SERPINI1: variants seen among roughly 807,000 people sequenced by gnomAD.
SERPINI1 encodes the protein neuroserpin.
In SERPINI1, 19 loss-of-function variants were observed where a neutral mutation model predicts 41.1. The ratio of observed to expected loss-of-function variants is 0.46; its 90% CI spans 0.32 to 0.68. SERPINI1 has a LOEUF of 0.68. Ranked by LOEUF, SERPINI1 falls within the 30% of genes least tolerant of loss-of-function variation. SERPINI1 has a pLI of 0.03. For synonymous variants in SERPINI1, 138 were observed against 156.6 expected (o/e 0.88, Z 0.89); for missense variants, 460 against 479.2 (o/e 0.96, Z 0.37).
At chr3:167,788,815 T>G (rs913486250) in intron 1 of SERPINI1, among the ~76,000 whole-genome samples, 1 of 152,200 alleles carries the variant, frequency 6.6e-6, no homozygotes, top group Non-Finnish European at 1.5e-5. Context: ...CTAGAGTAAG[T>G]CCATTCAAAG....
intron 6 of SERPINI1, among the ~76,000 whole-genome samples, chr3:167,813,255 C>A (rs558816728): frequency 2.6e-5 from 4 of 152,230 alleles, no homozygotes; most frequent in African/African-American, 2.4e-5. Context: ...CAAAGTTCAT[C>A]TTCCTGCCCC....
intron 1 of SERPINI1, among the ~76,000 whole-genome samples, chr3:167,749,763 G>A (rs1040012947): frequency 6.6e-6 from 1 of 152,122 alleles, no homozygotes; most frequent in Admixed American, 6.6e-5. Flanking sequence ...TTAATAAACT[G>A]TTTAATTTAC....
chr3:167,752,109 C>G (rs552633487), intron 1 of SERPINI1, among the ~76,000 whole-genome samples: 3 of 152,264 alleles, frequency 2.0e-5, no homozygotes, highest in African/African-American at 4.8e-5. Context: ...GTCATTTTCT[C>G]TCTTCATCCT....
chr3:167,746,962 C>G (rs181809787), intron 1 of SERPINI1, among the ~76,000 whole-genome samples: 1 of 152,280 alleles, frequency 6.6e-6, no homozygotes, highest in Admixed American at 6.5e-5. Context: ...AAATGTTTGT[C>G]TACACAAAAA....
intron 6 of SERPINI1, among the ~76,000 whole-genome samples, chr3:167,819,327 T>C (rs565328015): frequency 6.6e-6 from 1 of 152,270 alleles, no homozygotes; most frequent in Admixed American, 6.5e-5. Flanking sequence ...GTCTTGAAAT[T>C]TATGTGCTGA....
intron 1 of SERPINI1, among the ~76,000 whole-genome samples, chr3:167,775,786 G>T (rs935896014): frequency 5.9e-5 from 9 of 152,048 alleles, no homozygotes; most frequent in Non-Finnish European, 1.2e-4. Flanking sequence ...CACATAGCTG[G>T]CAAGAATACA....
chr3:167,751,986 C>T (rs748395315), intron 1 of SERPINI1, among the ~76,000 whole-genome samples: 5 of 152,018 alleles, frequency 3.3e-5, no homozygotes. Flanking sequence ...AATAGTTATG[C>T]CAAATGGGGA....
intron 1 of SERPINI1, among the ~76,000 whole-genome samples, chr3:167,785,254 G>A (rs1453081865): frequency 6.6e-6 from 1 of 152,112 alleles, no homozygotes; most frequent in Non-Finnish European, 1.5e-5. Context: ...AAAAAAAAGA[G>A]TGCTTTGCAC....
intron 1 of SERPINI1, among the ~76,000 whole-genome samples, chr3:167,755,808 T>C (rs948690624): frequency 6.7e-6 from 1 of 150,362 alleles, no homozygotes; most frequent in Non-Finnish European, 1.5e-5. Context: ...TTTTTTTTTT[T>C]TTTTTTTGGC....
At chr3:167,763,896 A>G (rs1726470481) in intron 1 of SERPINI1, among the ~76,000 whole-genome samples, 1 of 152,144 alleles carries the variant, frequency 6.6e-6, no homozygotes, top group Non-Finnish European at 1.5e-5. Context: ...CTTTAAAGTC[A>G]TGTCATTCTG....
chr3:167,790,610 A>G lies in SERPINI1; in HGVS notation c.481+8A>G, dbSNP rs370676993. On this transcript the variant is annotated splice_region_variant and intron_variant, in intron 3 of 8. Coordinates refer to ENST00000446050, the MANE Select transcript of SERPINI1 (RefSeq NM_001122752.2). ...TGGAGAATAACACAAACAGTATGTC[A>G]CTTGGTTCCTTTCTTCCTCTAGTAG... 5.0e-6 allele frequency: 8 copies of G among 1,597,784 alleles called. No homozygotes were observed. In the African/African-American group the frequency reaches 1.1e-4, roughly 21 times the overall value.
In SERPINI1 at chr3:167,796,299, A is replaced by C. The variant is rs1230134771; in HGVS notation, c.881+1475A>C. Reference sequence around the variant, plus strand: ...AATTTATTATATAGCATGTCATGTTATATATTCATAATATATAACTATAAA... The same window carrying C: ...AATTTATTATATAGCATGTCATGTTCTATATTCATAATATATAACTATAAA... On this transcript the variant is annotated intron_variant, in intron 5 of 8. Coordinates refer to ENST00000446050, the MANE Select transcript of SERPINI1 (RefSeq NM_001122752.2). Among the ~76,000 whole-genome samples, 2 of 151,792 alleles carry C rather than the reference A, an allele frequency of 1.3e-5. 1 individual carries two copies. The highest frequency in any genetic ancestry group is 4.1e-4 in the South Asian group (2 of 4,824).
At chr3:167,799,048 GC>G (rs1453925525) in intron 5 of SERPINI1, among the ~76,000 whole-genome samples, 1 of 151,590 alleles carries the variant, frequency 6.6e-6, no homozygotes, top group African/African-American at 2.4e-5. Context: ...TATTTTTTGA[GC>G]TTTCTCTTTA....
At chr3:167,763,572 G>A (rs182972978) in intron 1 of SERPINI1, among the ~76,000 whole-genome samples, 8 of 152,078 alleles carry the variant, frequency 5.3e-5, no homozygotes, top group African/African-American at 1.7e-4. Context: ...TGGTGGAGAC[G>A]CAGTTCCAAC....
chr3:167,748,103 AAG>A (rs1298244906), intron 1 of SERPINI1, among the ~76,000 whole-genome samples: 2 of 152,242 alleles, frequency 1.3e-5, no homozygotes, highest in Admixed American at 6.5e-5. Context: ...TCAAAACAAA[AAG>A]AAAAAACTAG....
intron 1 of SERPINI1, 124 bp downstream of exon 1, chr3:167,735,947 C>G (rs1472445602): frequency 6.6e-6 from 1 of 152,166 alleles, no homozygotes; most frequent in Non-Finnish European, 1.5e-5. Context: ...CAAAACCTCT[C>G]GGGTGAAAGA....
intron 1 of SERPINI1, among the ~76,000 whole-genome samples, chr3:167,745,539 A>G (rs1725837404): frequency 6.6e-6 from 1 of 152,034 alleles, no homozygotes. Flanking sequence ...TCACACTTTT[A>G]TTCAACACTG....
chr3:167,786,937 G>A (rs531480752), intron 1 of SERPINI1, among the ~76,000 whole-genome samples: 1 of 152,252 alleles, frequency 6.6e-6, no homozygotes, highest in South Asian at 2.1e-4. Context: ...GTGTGTAAGT[G>A]TGTAACAACA....
At chr3:167,761,913 A>G (rs1405612549) in intron 1 of SERPINI1, among the ~76,000 whole-genome samples, 2 of 152,214 alleles carry the variant, frequency 1.3e-5, no homozygotes, top group South Asian at 2.1e-4. Flanking sequence ...CTAAGCAAAG[A>G]TGAGTAATAC....
Sources: gnomAD v4.1 joint callset for allele counts (sites outside exome capture counted in the v4.1 genomes callset) on GRCh38, gnomAD v4.1.1 for gene constraint, MANE v1.5 for transcripts, NCBI Gene and HGNC (gene_info 2026-07-23, HGNC 2026-07-21) for gene names.